TTLL7: variants seen among roughly 807,000 people sequenced by gnomAD.
TTLL7 encodes tubulin polyglutamylase TTLL7.
Under a neutral mutation model 120.2 loss-of-function variants are expected in TTLL7, and 53 were observed. The ratio of observed to expected loss-of-function variants is 0.44; its 90% CI spans 0.35 to 0.55. The LOEUF is 0.55. Among genes scored for constraint, TTLL7 ranks in the 20% least tolerant of loss-of-function variants. The pLI, the probability that TTLL7 is intolerant of heterozygous loss-of-function variation, is 0.00. For missense variants in TTLL7, 803 were observed against 1,054.7 expected, an observed-to-expected ratio of 0.76 and a Z score of 3.31; for synonymous variants, 353 against 351.7, an observed-to-expected ratio of 1.00 and a Z score of -0.04.
intron 13 of TTLL7, among the ~76,000 whole-genome samples, chr1:83,918,323 G>T (rs1658360775): frequency 6.6e-6 from 1 of 152,100 alleles, no homozygotes; most frequent in Non-Finnish European, 1.5e-5. Context: ...GAATCAAAAG[G>T]AAATTTTGTA....
At chr1:83,906,214 T>G (rs1657185877) in intron 17 of TTLL7, 115 bp downstream of exon 17, 6 of 859,964 alleles carry the variant, frequency 7.0e-6, no homozygotes, top group Non-Finnish European at 1.1e-5. Context: ...GAAAAGAACA[T>G]CAATTAAATT....
intron 1 of TTLL7, among the ~76,000 whole-genome samples, chr1:83,982,536 A>G (rs1236562369): frequency 6.6e-6 from 1 of 152,208 alleles, no homozygotes; most frequent in Admixed American, 6.5e-5. Flanking sequence ...AATCAACAAC[A>G]CAATCCCATT....
chr1:83,940,036 A>G (rs987001336), intron 7 of TTLL7, among the ~76,000 whole-genome samples: 13 of 152,150 alleles, frequency 8.5e-5, no homozygotes, highest in Admixed American at 3.9e-4. Context: ...CTAGAGATAT[A>G]TGAGTGATAC....
rs767153037 is a variant in TTLL7 at position 83,929,242 on chromosome 1, A to G, written c.1048-12T>C. On this transcript the variant is annotated splice_polypyrimidine_tract_variant and intron_variant, in intron 9 of 20. Coordinates refer to ENST00000260505, the MANE Select transcript of TTLL7 (RefSeq NM_024686.6). Reference sequence around the variant, plus strand: ...GGGGCTCGGTTAATCTGAAATTTACAAAGAAGACAATATTGGAAGGTAAAT... The same window carrying G: ...GGGGCTCGGTTAATCTGAAATTTACGAAGAAGACAATATTGGAAGGTAAAT... The G allele has an allele frequency of 1.9e-6, 3 of 1,579,548 alleles. No individual in the cohort carries two copies. Among genetic ancestry groups the G allele is most frequent in the East Asian group, 2.3e-5 (1 of 44,312 alleles).
chr1:83,895,489 ATAT>A (rs1656130569), intron 18 of TTLL7, among the ~76,000 whole-genome samples: 2 of 152,194 alleles, frequency 1.3e-5, no homozygotes, highest in South Asian at 4.2e-4. Context: ...ATAATCATAC[ATAT>A]TATTAATTCT....
At chr1:83,956,714 G>A (rs777199127) in intron 1 of TTLL7, among the ~76,000 whole-genome samples, 1 of 152,198 alleles carries the variant, frequency 6.6e-6, no homozygotes, top group Non-Finnish European at 1.5e-5. Flanking sequence ...GCAGGCGTGA[G>A]CCACTGTGCC....
intron 20 of TTLL7, chr1:83,882,671 C>A (rs1290509104): frequency 4.0e-6 from 1 of 247,654 alleles, no homozygotes; most frequent in Admixed American, 5.7e-5. Context: ...TATATTACCA[C>A]ATTTTTGGAT....
chr1:83,924,122 A>G (rs1658911728), intron 10 of TTLL7, among the ~76,000 whole-genome samples: 1 of 152,176 alleles, frequency 6.6e-6, no homozygotes, highest in Non-Finnish European at 1.5e-5. Flanking sequence ...CCCTGGGGAT[A>G]CAAAAAGAAC....
intron 17 of TTLL7, among the ~76,000 whole-genome samples, chr1:83,905,279 AT>A (rs1164076658): frequency 6.6e-6 from 1 of 151,920 alleles, no homozygotes; most frequent in Non-Finnish European, 1.5e-5. Flanking sequence ...AAAAATATAT[AT>A]AACAACAAAA....
intron 8 of TTLL7, among the ~76,000 whole-genome samples, chr1:83,937,054 T>A (rs1647460991): frequency 6.6e-6 from 1 of 152,238 alleles, no homozygotes; most frequent in Non-Finnish European, 1.5e-5. Flanking sequence ...TAGAGTCATG[T>A]GCCACATAAC....
intron 8 of TTLL7, among the ~76,000 whole-genome samples, chr1:83,937,006 G>A (rs377387895): frequency 8.5e-5 from 13 of 152,240 alleles, no homozygotes; most frequent in African/African-American, 2.6e-4. Context: ...TATATAGAAA[G>A]TAAGATAAAA....
At position 83,985,444 on chromosome 1, in the gene TTLL7, A is replaced by G. The variant is rs146236918; in HGVS notation, c.-177+13487T>C. 2.0e-5 allele frequency among the ~76,000 whole-genome samples: 3 copies of G among 152,312 alleles called. No homozygotes were observed. In the East Asian group the frequency reaches 5.8e-4, roughly 29 times the overall value. On this transcript the variant is annotated intron_variant, in intron 1 of 20. Transcript: ENST00000260505. ...AGGGTGGGTCTTCCTCTACCAGTCC[A>G]CTGACTCAAATGTCAATCTCCTCTG...
chr1:83,898,007 T>C (rs1284375959), intron 18 of TTLL7, among the ~76,000 whole-genome samples: 1 of 152,040 alleles, frequency 6.6e-6, no homozygotes, highest in African/African-American at 2.4e-5. Flanking sequence ...ATGCATCTAA[T>C]GTAAATTAGT....
intron 1 of TTLL7, among the ~76,000 whole-genome samples, chr1:83,970,200 T>C (rs1650850465): frequency 2.0e-5 from 3 of 152,230 alleles, no homozygotes; most frequent in South Asian, 4.1e-4. Context: ...TTACATTTTG[T>C]GTTTATTTTA....
chr1:83,977,138 T>C (rs1651561697), intron 1 of TTLL7, among the ~76,000 whole-genome samples: 1 of 152,068 alleles, frequency 6.6e-6, no homozygotes, highest in African/African-American at 2.4e-5. Context: ...ATTATCACAG[T>C]GATCTGAATA....
chr1:83,994,802 A>G (rs1653333065), intron 1 of TTLL7, among the ~76,000 whole-genome samples: 1 of 152,170 alleles, frequency 6.6e-6, no homozygotes, highest in East Asian at 1.9e-4. Flanking sequence ...CCCAAATTAG[A>G]GTGCAAAAGT....
chr1:83,903,969 A>C (rs1656961135), intron 18 of TTLL7, 110 bp downstream of exon 18: 2 of 815,398 alleles, frequency 2.5e-6, no homozygotes, highest in Non-Finnish European at 4.1e-6. Context: ...TTTGTTGAAG[A>C]AATGAGTAAA....
intron 20 of TTLL7, among the ~76,000 whole-genome samples, chr1:83,875,151 G>A (rs1340959151): frequency 6.6e-6 from 1 of 151,808 alleles, no homozygotes; most frequent in Non-Finnish European, 1.5e-5. Flanking sequence ...CTGGATTACA[G>A]TACCCTCCCT....
At chr1:83,986,165 G>T (rs1005777561) in intron 1 of TTLL7, among the ~76,000 whole-genome samples, 6 of 152,096 alleles carry the variant, frequency 3.9e-5, no homozygotes, top group African/African-American at 1.4e-4. Flanking sequence ...TTAAAATTTT[G>T]CAAACTGAAT....
Sources: gnomAD v4.1 joint callset for allele counts (sites outside exome capture counted in the v4.1 genomes callset) on GRCh38, gnomAD v4.1.1 for gene constraint, MANE v1.5 for transcripts, NCBI Gene and HGNC (gene_info 2026-07-23, HGNC 2026-07-21) for gene names.